Variants in SORCS2 observed in about 807,000 individuals in gnomAD.
SORCS2 encodes sortilin related VPS10 domain containing receptor 2.
Under a neutral mutation model 141.6 loss-of-function variants are expected in SORCS2, and 100 were observed. That is an observed-to-expected ratio of 0.71 (90% CI 0.60 to 0.83). The LOEUF (loss-of-function observed/expected upper bound fraction) is 0.83. Among genes scored for constraint, SORCS2 ranks in the 40% least tolerant of loss-of-function variants. The pLI is 0.00. For synonymous variants in SORCS2, 789 were observed against 676.9 expected, an observed-to-expected ratio of 1.17 and a Z score of -2.57; for missense variants, 1,646 against 1,560.2, an observed-to-expected ratio of 1.05 and a Z score of -0.93.
intron 1 of SORCS2, among the ~76,000 whole-genome samples, chr4:7,393,371 G>A (rs183481193): frequency 2.0e-3 from 305 of 152,278 alleles, no homozygotes; most frequent in Non-Finnish European, 3.5e-3. Context: ...CTGTCCCGGG[G>A]ATATTTCATT....
At chr4:7,278,258 C>T (rs1268001208) in intron 1 of SORCS2, among the ~76,000 whole-genome samples, 2 of 152,210 alleles carry the variant, frequency 1.3e-5, no homozygotes, top group East Asian at 3.9e-4. Context: ...GCATCCCTCT[C>T]TCCTCTGAGC....
chr4:7,235,193 C>T (rs1009271318), intron 1 of SORCS2, among the ~76,000 whole-genome samples: 2 of 152,222 alleles, frequency 1.3e-5, no homozygotes, highest in East Asian at 3.9e-4. Context: ...GAGCACACAG[C>T]ACTGTGCCGG....
intron 10 of SORCS2, among the ~76,000 whole-genome samples, chr4:7,687,872 C>G (rs1723973058): frequency 1.3e-5 from 2 of 152,170 alleles, no homozygotes; most frequent in South Asian, 4.1e-4. Flanking sequence ...TAGCTGTCAC[C>G]TCGCTATCCC....
At chr4:7,541,180 G>A (rs1712620522) in intron 3 of SORCS2, among the ~76,000 whole-genome samples, 1 of 152,250 alleles carries the variant, frequency 6.6e-6, no homozygotes. Context: ...CCATGTCTGG[G>A]CCTGGGCTGC....
chr4:7,362,461 C>T (rs1721634760), intron 1 of SORCS2, among the ~76,000 whole-genome samples: 1 of 152,140 alleles, frequency 6.6e-6, no homozygotes, highest in Non-Finnish European at 1.5e-5. Flanking sequence ...TTTGGTTTTT[C>T]AAGACGAATC....
chr4:7,465,943 C>T (rs1176625444), intron 2 of SORCS2, among the ~76,000 whole-genome samples: 1 of 152,146 alleles, frequency 6.6e-6, no homozygotes, highest in Non-Finnish European at 1.5e-5. Flanking sequence ...AGGATCCATG[C>T]AAGGCAGAAG....
chr4:7,368,197 G>C (rs1195345375), intron 1 of SORCS2, among the ~76,000 whole-genome samples: 1 of 152,246 alleles, frequency 6.6e-6, no homozygotes, highest in Non-Finnish European at 1.5e-5. Context: ...CACAGATGAA[G>C]GGGAACCGCC....
chr4:7,221,575 G>A (rs1728708581), intron 1 of SORCS2, among the ~76,000 whole-genome samples: 1 of 152,256 alleles, frequency 6.6e-6, no homozygotes, highest in South Asian at 2.1e-4. Context: ...GTCGGGTGGA[G>A]CAGTGGTTTG....
chr4:7,667,090 A>C (rs761640446), intron 7 of SORCS2, 34 bp from the exon 8 acceptor site: 2 of 1,564,288 alleles, frequency 1.3e-6, no homozygotes, highest in African/African-American at 1.4e-5. Flanking sequence ...GAGGGAATCA[A>C]GCCTCTCAAA....
chr4:7,209,746 A>G (rs1248338084), intron 1 of SORCS2, among the ~76,000 whole-genome samples: 1 of 151,398 alleles, frequency 6.6e-6, no homozygotes, highest in Non-Finnish European at 1.5e-5. Context: ...ATGATCAGAG[A>G]AGGGACGAAG....
At chr4:7,503,965 T>C (rs892021946) in intron 2 of SORCS2, among the ~76,000 whole-genome samples, 1 of 152,176 alleles carries the variant, frequency 6.6e-6, no homozygotes, top group African/African-American at 2.4e-5. Context: ...CCTGTCGGAC[T>C]TGGTCTCTAG....
intron 3 of SORCS2, among the ~76,000 whole-genome samples, chr4:7,622,450 C>T (rs1292832100): frequency 2.0e-5 from 3 of 152,118 alleles, no homozygotes; most frequent in Non-Finnish European, 2.9e-5. Flanking sequence ...GCAGAGAGGC[C>T]GGGGCACAAC....
chr4:7,275,980 G>A (rs1034950142), intron 1 of SORCS2, among the ~76,000 whole-genome samples: 3 of 152,216 alleles, frequency 2.0e-5, no homozygotes, highest in Non-Finnish European at 4.4e-5. Context: ...GGCTTGGAGA[G>A]TGTGAGACGG....
At chr4:7,436,029 G>A (rs546717033) in intron 2 of SORCS2, among the ~76,000 whole-genome samples, 2 of 152,386 alleles carry the variant, frequency 1.3e-5, no homozygotes, top group East Asian at 3.9e-4. Context: ...GAATGCAATA[G>A]TGCAGGGTGC....
intron 24 of SORCS2, 137 bp downstream of exon 24, chr4:7,733,558 A>G (rs959740982): frequency 5.5e-5 from 38 of 687,952 alleles, no homozygotes; most frequent in Non-Finnish European, 8.4e-5. Flanking sequence ...TGGAACTGAG[A>G]ACCCACCCAG....
chr4:7,443,943 G>A (rs565382475), intron 2 of SORCS2, among the ~76,000 whole-genome samples: 1 of 152,322 alleles, frequency 6.6e-6, no homozygotes, highest in African/African-American at 2.4e-5. Flanking sequence ...TAACACAATG[G>A]GCCCCACATG....
chr4:7,362,868 T>A (rs1396195876), intron 1 of SORCS2, among the ~76,000 whole-genome samples: 2 of 148,290 alleles, frequency 1.3e-5, no homozygotes, highest in African/African-American at 5.0e-5. Context: ...ACCACCACCA[T>A]CACCAACCAC....
At chr4:7,328,050 A>C (rs1185191997) in intron 1 of SORCS2, among the ~76,000 whole-genome samples, 3 of 110,884 alleles carry the variant, frequency 2.7e-5, no homozygotes, top group African/African-American at 3.6e-5. Flanking sequence ...TTTTGAGACC[A>C]AGTCTTGCTC....
chr4:7,373,473 TATA>T (rs1219510771), intron 1 of SORCS2, among the ~76,000 whole-genome samples: 18 of 72,072 alleles, frequency 2.5e-4, no homozygotes, highest in African/African-American at 1.5e-3. Flanking sequence ...TATATATATA[TATA>T]TATTTTTTTT....
Sources: allele counts gnomAD v4.1 joint callset (sites outside exome capture counted in the v4.1 genomes callset), GRCh38; gene constraint gnomAD v4.1.1; transcripts MANE v1.5; gene names NCBI Gene and HGNC (gene_info 2026-07-23, HGNC 2026-07-21).